Variants in HDAC9 observed in about 807,000 individuals in gnomAD.
HDAC9 encodes the protein MEF-2 interacting transcription repressor (MITR) protein.
HDAC9 carries 41 observed loss-of-function variants against 139.4 expected under a neutral mutation model. The ratio of observed to expected loss-of-function variants is 0.29; its 90% confidence interval spans 0.23 to 0.38. The LOEUF is 0.38. HDAC9 is among the 10% of genes least tolerant of loss of function. The probability of loss-of-function intolerance (pLI) is 1.00; values close to 1 mark genes in which losing one functional copy is unlikely to be tolerated. For synonymous variants in HDAC9, 517 were observed against 476.2 expected (o/e 1.09, Z -1.12); for missense variants, 1,147 against 1,297.0 (o/e 0.88, Z 1.78).
chr7:18,750,860 G>GCT (rs2129148246), intron 14 of HDAC9, among the ~76,000 whole-genome samples: 1 of 152,320 alleles, frequency 6.6e-6, no homozygotes, highest in Admixed American at 6.5e-5. Flanking sequence ...GCTTTTGCCA[G>GCT]CTGAGGCATT....
chr7:18,873,053 C>T (rs1432939922), intron 21 of HDAC9, among the ~76,000 whole-genome samples: 2 of 152,028 alleles, frequency 1.3e-5, no homozygotes, highest in African/African-American at 2.4e-5. Context: ...CAACATACAC[C>T]ACAATACTAT....
At position 18,444,699 on chromosome 7, in the gene HDAC9, A is replaced by C. The variant is rs921399750; in HGVS notation, c.-41-51563A>C. Among the ~76,000 whole-genome samples, 58 of 152,296 alleles carry C rather than the reference A, an allele frequency of 3.8e-4. 1 individual carries two copies. Among genetic ancestry groups the C allele is most frequent in the African/African-American group, 1.3e-3 (56 of 41,572 alleles). The stretch of plus-strand genomic sequence containing the variant: ...TATGCTACGCCCAAAGGAGGCATGA[A>C]TACCGAAATAAAAAAGTGCCAATGT... On this transcript the variant is annotated intron_variant, in intron 1 of 3. Transcript: ENST00000413509.
chr7:18,303,872 T>G (rs552713251), intron 1 of HDAC9, among the ~76,000 whole-genome samples: 5 of 145,930 alleles, frequency 3.4e-5, no homozygotes, highest in Admixed American at 1.4e-4. Flanking sequence ...AACCTTCTGC[T>G]GTAGCAGTGT....
intron 1 of HDAC9, among the ~76,000 whole-genome samples, chr7:18,297,580 T>C (rs1197693687): frequency 2.0e-5 from 3 of 152,188 alleles, no homozygotes; most frequent in Admixed American, 1.3e-4. Flanking sequence ...ATGTTAAATG[T>C]TTGAATGCTA....
chr7:18,633,176 G>C (rs1782864893), intron 7 of HDAC9, among the ~76,000 whole-genome samples: 1 of 152,078 alleles, frequency 6.6e-6, no homozygotes, highest in South Asian at 2.1e-4. Context: ...CTGAATTTAG[G>C]AATTGGTAGG....
At chr7:18,232,282 C>G (rs1793515024) in intron 2 of HDAC9, among the ~76,000 whole-genome samples, 1 of 152,080 alleles carries the variant, frequency 6.6e-6, no homozygotes, top group Non-Finnish European at 1.5e-5. Flanking sequence ...ACCAGAAGCT[C>G]CCAGGGTTGC....
intron 2 of HDAC9, among the ~76,000 whole-genome samples, chr7:18,238,844 A>G (rs1470720561): frequency 6.6e-6 from 1 of 152,178 alleles, no homozygotes; most frequent in Admixed American, 6.5e-5. Context: ...CTAATAATTA[A>G]TTGTCTGTAG....
rs758672820 is a variant in HDAC9, at chr7:18,749,082, C to T, written c.1987C>T (p.Arg663Ter). The change falls in exon 14 of 26, where the codon CGA (arginine) becomes TGA (stop). Residue 663 changes from arginine (R) to a stop codon, truncating the protein, a stop_gained. Coordinates refer to ENST00000686413, the MANE Select transcript of HDAC9 (RefSeq NM_178425.4). LOFTEE classifies it high-confidence loss of function. ...CACCACCCACCCTGAGCATGCTGGA[C>T]GAATACAGAGTATCTGGTCACGACT... Reference protein sequence around the residue: ...NSTTHPEHAGRIQSIWSRLQE... With the variant: ...NSTTHPEHAG 2 of 1,613,632 alleles carry T rather than the reference C, an allele frequency of 1.2e-6. No individual in the cohort carries two copies. Among genetic ancestry groups the T allele is most frequent in the Non-Finnish European group, 8.5e-7 (1 of 1,179,788 alleles).
At chr7:18,816,856 A>G (rs1227947676) in intron 17 of HDAC9, among the ~76,000 whole-genome samples, 1 of 152,350 alleles carries the variant, frequency 6.6e-6, no homozygotes, top group Middle Eastern at 3.4e-3. Flanking sequence ...CACTATGTTA[A>G]GTGTAATCAA....
chr7:18,871,064 A>G (rs1798881885), intron 21 of HDAC9, among the ~76,000 whole-genome samples: 1 of 152,156 alleles, frequency 6.6e-6, no homozygotes, highest in Admixed American at 6.5e-5. Context: ...TACATTTATT[A>G]GATGATATTT....
At chr7:18,825,539 C>T (rs1465359490) in intron 17 of HDAC9, among the ~76,000 whole-genome samples, 1 of 151,674 alleles carries the variant, frequency 6.6e-6, no homozygotes, top group Non-Finnish European at 1.5e-5. Context: ...CTTTAGTGGA[C>T]TAATGAGGTT....
intron 1 of HDAC9, among the ~76,000 whole-genome samples, chr7:18,391,615 A>G (rs144150404): frequency 1.8e-3 from 274 of 152,346 alleles, no homozygotes; most frequent in African/African-American, 6.3e-3. Flanking sequence ...AGTGTTACCC[A>G]GAAGACACAC....
intron 2 of HDAC9, among the ~76,000 whole-genome samples, chr7:18,549,330 C>T (rs1463352083): frequency 2.0e-5 from 3 of 152,162 alleles, no homozygotes; most frequent in Admixed American, 2.0e-4. Flanking sequence ...CTTATGTTCG[C>T]ACAGAATATT....
chr7:18,757,534 G>T (rs1788985287), intron 14 of HDAC9, among the ~76,000 whole-genome samples: 1 of 152,006 alleles, frequency 6.6e-6, no homozygotes, highest in Admixed American at 6.6e-5. Flanking sequence ...CTAACCAAAG[G>T]CACTGCTTTT....
intron 2 of HDAC9, among the ~76,000 whole-genome samples, chr7:18,522,539 T>C (rs1805385145): frequency 6.7e-6 from 1 of 150,062 alleles, no homozygotes; most frequent in Admixed American, 6.7e-5. Context: ...TCTTAGCTTC[T>C]ACATCATAAA....
At chr7:18,975,586 G>C (rs946967230) in intron 24 of HDAC9, among the ~76,000 whole-genome samples, 1 of 152,154 alleles carries the variant, frequency 6.6e-6, no homozygotes, top group African/African-American at 2.4e-5. Flanking sequence ...TGCTGTGTAA[G>C]CAAGAGGGAG....
chr7:18,546,151 A>G (rs1003959544), intron 2 of HDAC9, among the ~76,000 whole-genome samples: 12 of 152,206 alleles, frequency 7.9e-5, no homozygotes, highest in Non-Finnish European at 1.6e-4. Context: ...CCCTAGCCTA[A>G]TGATTGCATA....
At chr7:18,450,525 A>G (rs1475943821) in intron 1 of HDAC9, among the ~76,000 whole-genome samples, 1 of 152,192 alleles carries the variant, frequency 6.6e-6, no homozygotes, top group African/African-American at 2.4e-5. Context: ...TACAGGGCAG[A>G]CACTTTTAGT....
At chr7:18,958,981 A>C (rs17140399) in intron 24 of HDAC9, among the ~76,000 whole-genome samples, 63,754 of 152,022 alleles carry the variant, frequency 0.42, 13,631 homozygotes, top group Middle Eastern at 0.51. Flanking sequence ...TGGCTGTAAT[A>C]ATCAACAAGT....
Sources: gnomAD v4.1 joint callset for allele counts (sites outside exome capture counted in the v4.1 genomes callset) on GRCh38, gnomAD v4.1.1 for gene constraint, MANE v1.5 for transcripts, NCBI Gene and HGNC (gene_info 2026-07-23, HGNC 2026-07-21) for gene names.